Variants in PTPN13 observed in about 807,000 individuals in gnomAD.
PTPN13 encodes tyrosine-protein phosphatase non-receptor type 13.
In PTPN13, 191 loss-of-function variants were observed where a neutral mutation model predicts 284.0. The ratio of observed to expected loss-of-function variants is 0.67; its 90% CI spans 0.60 to 0.76. PTPN13 has a LOEUF of 0.76. PTPN13 is among the 30% of genes least tolerant of loss of function. The pLI, the probability that PTPN13 is intolerant of heterozygous loss-of-function variation, is 0.00. For missense variants in PTPN13, 2,797 were observed against 2,939.9 expected (o/e 0.95, Z 1.12); for synonymous variants, 986 against 1,022.3 (o/e 0.96, Z 0.68).
At chr4:86,651,539 G>A (rs1336932544) in intron 2 of PTPN13, among the ~76,000 whole-genome samples, 1 of 151,948 alleles carries the variant, frequency 6.6e-6, no homozygotes, top group Admixed American at 6.6e-5. Flanking sequence ...TGATTTATTG[G>A]AATCATTTGA....
intron 1 of PTPN13, among the ~76,000 whole-genome samples, chr4:86,617,893 G>T (rs1720754853): frequency 6.6e-6 from 1 of 151,558 alleles, no homozygotes; most frequent in African/African-American, 2.4e-5. Flanking sequence ...CACTCTGATG[G>T]TAGTTTCTTT....
At chr4:86,756,948 G>A (rs1275376443) in intron 20 of PTPN13, among the ~76,000 whole-genome samples, 2 of 152,126 alleles carry the variant, frequency 1.3e-5, no homozygotes, top group African/African-American at 4.8e-5. Context: ...TGAGAAGTAT[G>A]TAGAGTTGAA....
chr4:86,662,894 T>C (rs1023760993), intron 2 of PTPN13, among the ~76,000 whole-genome samples: 17 of 152,192 alleles, frequency 1.1e-4, no homozygotes, highest in African/African-American at 4.1e-4. Flanking sequence ...TAACAGGCAC[T>C]TACTACAGCT....
At position 86,693,627 on chromosome 4, in the gene PTPN13, G is replaced by C; in HGVS notation, c.587G>C (p.Arg196Pro). The change falls in exon 6 of 48, where the codon CGA (arginine) becomes CCA (proline). Residue 196 changes from arginine (R) to proline (P), a missense_variant. Coordinates refer to ENST00000411767, the MANE Select transcript of PTPN13 (RefSeq NM_080683.3). Reference protein sequence around the residue: ...LSCNSEQKPDRSQAIRDRLRG... With the variant: ...LSCNSEQKPDPSQAIRDRLRG... ...TGTAACAGTGAACAAAAGCCTGATC[G>C]AAGCCAGGCTATTCGAGATCGATTG... The C allele has an allele frequency of 6.4e-7, 1 of 1,556,770 alleles. No individual in the cohort carries two copies. The highest frequency in any genetic ancestry group is 8.7e-7 in the Non-Finnish European group (1 of 1,147,634).
Position 86,763,111 on chromosome 4 carries a change from C to CTGAT in PTPN13, c.3940_3943dup (p.Tyr1315Ter). 1 of 1,613,630 alleles carries CTGAT rather than the reference C, an allele frequency of 6.2e-7. No individual in the cohort carries two copies. The highest frequency in any genetic ancestry group is 1.1e-5 in the South Asian group (1 of 91,066). ...AAAAAGCCAGGCATTTCTGATGTAA[C>CTGAT]TGATTACTCAGACCGTGGAGATTCA... On this transcript the variant is annotated frameshift_variant, in exon 24 of 48. Coordinates refer to ENST00000411767, the MANE Select transcript of PTPN13 (RefSeq NM_080683.3). LOFTEE classifies it high-confidence loss of function.
chr4:86,767,998 A>T (rs768351633), intron 28 of PTPN13, 22 bp downstream of exon 28: 7 of 1,589,904 alleles, frequency 4.4e-6, no homozygotes, highest in Non-Finnish European at 6.0e-6. Flanking sequence ...GGAGACTACA[A>T]TCTCACCTTT....
At chr4:86,691,391 TG>T (rs1045720224) in intron 5 of PTPN13, among the ~76,000 whole-genome samples, 17 of 152,040 alleles carry the variant, frequency 1.1e-4, no homozygotes, top group African/African-American at 3.4e-4. Context: ...GGTTATTTAA[TG>T]GGAGAGAAAA....
At chr4:86,759,802 G>A (rs1721349749) in intron 23 of PTPN13, among the ~76,000 whole-genome samples, 2 of 152,120 alleles carry the variant, frequency 1.3e-5, no homozygotes, top group Admixed American at 6.6e-5. Flanking sequence ...AATTAAATGA[G>A]ATAATACATG....
rs1743682945 is a variant in PTPN13 at position 86,799,088 on chromosome 4, T to G, written c.6402-13T>G. ...AATGAAGAAAATGTTTCAAATATGT[T>G]TTGTTTTCATAGCTTAATTCAGAAG... On this transcript the variant is annotated splice_polypyrimidine_tract_variant and intron_variant, in intron 41 of 47. Transcript: ENST00000411767. 1.3e-6 allele frequency: 2 copies of G among 1,485,898 alleles called. No individual in the cohort carries two copies. The highest frequency in any genetic ancestry group is 1.8e-6 in the Non-Finnish European group (2 of 1,099,574). 92.0% of individuals were successfully genotyped at this position (1,485,898 alleles called of 1,614,324 possible).
chr4:86,689,456 G>A (rs570614374), intron 5 of PTPN13, among the ~76,000 whole-genome samples: 9 of 152,194 alleles, frequency 5.9e-5, no homozygotes, highest in African/African-American at 2.2e-4. Flanking sequence ...GTCTCCTCTT[G>A]TTTTCTTTCT....
At chr4:86,653,398 A>G (rs1271216329) in intron 2 of PTPN13, among the ~76,000 whole-genome samples, 1 of 151,966 alleles carries the variant, frequency 6.6e-6, no homozygotes, top group Non-Finnish European at 1.5e-5. Context: ...AAGGCTTTCC[A>G]TGAATTCAAA....
At position 86,705,111 on chromosome 4, in the gene PTPN13, A is replaced by C. The variant is rs139122647; in HGVS notation, c.1195+3310A>C. 2.0e-5 allele frequency among the ~76,000 whole-genome samples: 3 copies of C among 152,204 alleles called. No homozygotes were observed. The East Asian group carries it at 5.8e-4, about 29-fold the overall frequency. Reference sequence around the variant, plus strand: ...AGCACTTTGGGAGGCCAGGGCGGGCAGATCACGAGGTCAGGAGATCAAGAC... The same window carrying C: ...AGCACTTTGGGAGGCCAGGGCGGGCCGATCACGAGGTCAGGAGATCAAGAC... On this transcript the variant is annotated intron_variant, in intron 7 of 47. Transcript: ENST00000411767.
At chr4:86,637,187 G>A (rs1327049631) in intron 2 of PTPN13, among the ~76,000 whole-genome samples, 1 of 151,936 alleles carries the variant, frequency 6.6e-6, no homozygotes, top group Non-Finnish European at 1.5e-5. Flanking sequence ...GCAATAATCA[G>A]TAGCTTACCA....
chr4:86,595,953 T>C (rs1373774647), intron 1 of PTPN13, among the ~76,000 whole-genome samples: 1 of 152,214 alleles, frequency 6.6e-6, no homozygotes, highest in Non-Finnish European at 1.5e-5. Context: ...TCATGCTCAT[T>C]GGCTGCTTGT....
chr4:86,758,472 C>T (rs1480924483), intron 21 of PTPN13, 123 bp downstream of exon 21: 2 of 938,572 alleles, frequency 2.1e-6, no homozygotes, highest in South Asian at 1.6e-5. Context: ...ACTGGCTGCC[C>T]ACCTACAAGC....
At chr4:86,813,281 A>G (rs1745437836) in intron 47 of PTPN13, among the ~76,000 whole-genome samples, 1 of 152,152 alleles carries the variant, frequency 6.6e-6, no homozygotes, top group Admixed American at 6.5e-5. Flanking sequence ...TTCATTTAAT[A>G]TATTGTGAGT....
chr4:86,729,034 CTGATGG>C, intron 10 of PTPN13, among the ~76,000 whole-genome samples: 1 of 149,032 alleles, frequency 6.7e-6, no homozygotes, highest in African/African-American at 2.4e-5. Context: ...TAAGGCAGGC[CTGATGG>C]TGACAAAATC....
intron 32 of PTPN13, among the ~76,000 whole-genome samples, chr4:86,773,898 G>A (rs1352664948): frequency 6.6e-6 from 1 of 151,864 alleles, no homozygotes; most frequent in African/African-American, 2.4e-5. Context: ...TAATAAGATT[G>A]TGATAATCAC....
At chr4:86,722,071 T>C in intron 9 of PTPN13, 141 bp from the exon 10 acceptor site, 1 of 688,756 alleles carries the variant, frequency 1.5e-6, no homozygotes, top group Admixed American at 2.6e-5. Context: ...TACCATACTG[T>C]GTAATGTAAA....
Sources: allele counts gnomAD v4.1 joint callset (sites outside exome capture counted in the v4.1 genomes callset), GRCh38; gene constraint gnomAD v4.1.1; transcripts MANE v1.5; gene names NCBI Gene and HGNC (gene_info 2026-07-23, HGNC 2026-07-21).